Variants in CCSER1 observed in about 807,000 individuals in gnomAD.
CCSER1 encodes coiled-coil serine rich protein 1.
Under a neutral mutation model 82.0 loss-of-function variants are expected in CCSER1, and 41 were observed. The ratio of observed to expected loss-of-function variants is 0.50; its 90% CI spans 0.39 to 0.65. The LOEUF is 0.65. Ranked by LOEUF, CCSER1 falls within the 30% of genes least tolerant of loss-of-function variation. The pLI is 0.00. For synonymous variants in CCSER1, 414 were observed against 383.9 expected (o/e 1.08, Z -0.92); for missense variants, 1,119 against 1,064.2 (o/e 1.05, Z -0.72).
intron 10 of CCSER1, among the ~76,000 whole-genome samples, chr4:91,289,767 A>ACCACAT (rs1743605716): frequency 6.6e-6 from 1 of 152,042 alleles, no homozygotes; most frequent in Non-Finnish European, 1.5e-5. Flanking sequence ...TTGAAATCCC[A>ACCACAT]ATGGAAGAAG....
At chr4:90,626,965 A>C (rs1354636440) in intron 5 of CCSER1, among the ~76,000 whole-genome samples, 2 of 152,204 alleles carry the variant, frequency 1.3e-5, no homozygotes, top group African/African-American at 4.8e-5. Context: ...AAAGTTACTT[A>C]TCTGTACTTT....
At chr4:91,017,819 G>A (rs1189153634) in intron 9 of CCSER1, among the ~76,000 whole-genome samples, 1 of 134,818 alleles carries the variant, frequency 7.4e-6, no homozygotes, top group African/African-American at 2.6e-5. Context: ...AATTGTGTGT[G>A]TGTGTGTGTG....
chr4:91,363,952 T>TGATTATACTTTCAA (rs1333333598), intron 10 of CCSER1, among the ~76,000 whole-genome samples: 1 of 151,720 alleles, frequency 6.6e-6, no homozygotes, highest in Non-Finnish European at 1.5e-5. Context: ...TCTATTGTAT[T>TGATTATACTTTCAA]GATTATACTT....
intron 10 of CCSER1, among the ~76,000 whole-genome samples, chr4:91,227,294 A>G (rs778329842): frequency 2.6e-5 from 4 of 151,962 alleles, no homozygotes; most frequent in Non-Finnish European, 5.9e-5. Context: ...TTAGTTAAAA[A>G]AAAAGGAAAC....
chr4:91,308,855 A>T (rs1745250899), intron 10 of CCSER1, among the ~76,000 whole-genome samples: 1 of 152,002 alleles, frequency 6.6e-6, no homozygotes, highest in Admixed American at 6.6e-5. Context: ...AACCAAATAA[A>T]TGTATAAAAC....
intron 1 of CCSER1, among the ~76,000 whole-genome samples, chr4:90,141,715 A>G (rs748863933): frequency 2.6e-5 from 4 of 152,202 alleles, no homozygotes; most frequent in African/African-American, 9.6e-5. Context: ...CACATTTCCA[A>G]CTTTGCCGAT....
At chr4:91,297,156 G>C (rs1744242856) in intron 10 of CCSER1, among the ~76,000 whole-genome samples, 1 of 151,760 alleles carries the variant, frequency 6.6e-6, no homozygotes. Flanking sequence ...TGGCTAAAGA[G>C]TGTATATCCT....
intron 5 of CCSER1, among the ~76,000 whole-genome samples, chr4:90,542,131 C>T (rs6817911): frequency 0.19 from 29,231 of 151,818 alleles, 3,261 homozygotes; most frequent in African/African-American, 0.29. Context: ...GATAAAAGAA[C>T]TTTTCAGAGA....
chr4:91,007,710 G>A (rs755615097), intron 9 of CCSER1, among the ~76,000 whole-genome samples: 1 of 141,528 alleles, frequency 7.1e-6, no homozygotes, highest in South Asian at 2.2e-4. Flanking sequence ...TTGATCTTTT[G>A]TATTGTTTTT....
At chr4:91,594,428 TAC>T (rs1764449541) in intron 10 of CCSER1, among the ~76,000 whole-genome samples, 7 of 146,930 alleles carry the variant, frequency 4.8e-5, no homozygotes, top group African/African-American at 1.5e-4. Context: ...TATACATATA[TAC>T]ATATACACAC....
intron 10 of CCSER1, among the ~76,000 whole-genome samples, chr4:91,240,270 G>T (rs1313291970): frequency 1.6e-5 from 1 of 64,046 alleles, no homozygotes; most frequent in African/African-American, 9.3e-5. Context: ...TAGAGACGGG[G>T]TTTCCCTGTG....
intron 5 of CCSER1, among the ~76,000 whole-genome samples, chr4:90,546,727 G>C (rs1456714023): frequency 6.6e-6 from 1 of 151,958 alleles, no homozygotes; most frequent in Non-Finnish European, 1.5e-5. Flanking sequence ...TCAACATTGT[G>C]TTCTTTCTTC....
At chr4:90,541,446 A>T (rs901132147) in intron 5 of CCSER1, among the ~76,000 whole-genome samples, 10 of 152,102 alleles carry the variant, frequency 6.6e-5, no homozygotes, top group African/African-American at 2.2e-4. Context: ...TTCAAATCTT[A>T]TCCCAAACTC....
At chr4:91,269,660 G>A (rs934062714) in intron 10 of CCSER1, among the ~76,000 whole-genome samples, 3 of 152,050 alleles carry the variant, frequency 2.0e-5, no homozygotes, top group Non-Finnish European at 4.4e-5. Flanking sequence ...TTTTACTTGT[G>A]AATGATAATT....
intron 9 of CCSER1, among the ~76,000 whole-genome samples, chr4:90,939,103 A>G (rs1731294639): frequency 6.6e-6 from 1 of 152,134 alleles, no homozygotes; most frequent in South Asian, 2.1e-4. Context: ...ATTTCATCAC[A>G]TATTCTTTGT....
intron 10 of CCSER1, among the ~76,000 whole-genome samples, chr4:91,579,292 C>T (rs528802919): frequency 1.3e-5 from 2 of 151,396 alleles, no homozygotes; most frequent in Non-Finnish European, 3.0e-5. Context: ...TGGACCAATT[C>T]CATAATGGTG....
chr4:90,881,665 G>A (rs1202022271), intron 8 of CCSER1, among the ~76,000 whole-genome samples: 5 of 152,124 alleles, frequency 3.3e-5, no homozygotes, highest in African/African-American at 1.2e-4. Context: ...CACGCCTGTG[G>A]TCCTGGCTAC....
chr4:90,618,885 ATTATC>A (rs1223302428), intron 5 of CCSER1, among the ~76,000 whole-genome samples: 1 of 151,832 alleles, frequency 6.6e-6, no homozygotes, highest in African/African-American at 2.4e-5. Flanking sequence ...TGAATAATGA[ATTATC>A]TTATATATTT....
At chr4:90,471,195 T>C (rs1421232035) in intron 5 of CCSER1, among the ~76,000 whole-genome samples, 2 of 152,192 alleles carry the variant, frequency 1.3e-5, no homozygotes, top group Admixed American at 6.5e-5. Flanking sequence ...TTATTTGTTC[T>C]GGGTGTGCTA....
Sources: gnomAD v4.1 joint callset for allele counts (sites outside exome capture counted in the v4.1 genomes callset) on GRCh38, gnomAD v4.1.1 for gene constraint, MANE v1.5 for transcripts, NCBI Gene and HGNC (gene_info 2026-07-23, HGNC 2026-07-21) for gene names.